Variants in CACNA2D3 observed in about 807,000 individuals in gnomAD.
CACNA2D3 encodes voltage-dependent calcium channel subunit alpha-2/delta-3.
Under a neutral mutation model 160.6 loss-of-function variants are expected in CACNA2D3, and 60 were observed. That is an observed-to-expected ratio of 0.37 (90% CI 0.30 to 0.46). CACNA2D3 has a LOEUF of 0.46. Ranked by LOEUF, CACNA2D3 falls within the 20% of genes least tolerant of loss-of-function variation. The pLI is 1.00. For missense variants in CACNA2D3, 1,205 were observed against 1,365.0 expected (o/e 0.88, Z 1.85); for synonymous variants, 558 against 492.9 (o/e 1.13, Z -1.75).
intron 25 of CACNA2D3, chr3:54,894,562 C>T: frequency 2.0e-6 from 1 of 507,236 alleles, no homozygotes; most frequent in Non-Finnish European, 3.9e-6. Context: ...CATCATTAAC[C>T]TGTGCTGCAT....
chr3:54,440,908 C>G (rs1239714653), intron 4 of CACNA2D3, among the ~76,000 whole-genome samples: 1 of 152,166 alleles, frequency 6.6e-6, no homozygotes, highest in Non-Finnish European at 1.5e-5. Context: ...TGGCTTGGTT[C>G]CAAGTCTTTG....
intron 11 of CACNA2D3, among the ~76,000 whole-genome samples, chr3:54,697,289 C>G (rs1700682151): frequency 6.6e-6 from 1 of 152,148 alleles, no homozygotes; most frequent in East Asian, 1.9e-4. Context: ...AACAAGCAAA[C>G]AAAAACATGA....
intron 9 of CACNA2D3, among the ~76,000 whole-genome samples, chr3:54,623,352 G>A (rs949753788): frequency 1.3e-5 from 2 of 152,142 alleles, no homozygotes; most frequent in African/African-American, 2.4e-5. Flanking sequence ...TTCCTCCCAC[G>A]TGCCAGCAGA....
At chr3:55,006,446 C>T (rs940789137) in intron 32 of CACNA2D3, among the ~76,000 whole-genome samples, 3 of 152,198 alleles carry the variant, frequency 2.0e-5, no homozygotes, top group African/African-American at 7.2e-5. Context: ...ACAACATCGT[C>T]CCATAGTCTG....
At chr3:54,600,109 G>A (rs772289621) in intron 9 of CACNA2D3, among the ~76,000 whole-genome samples, 1 of 152,192 alleles carries the variant, frequency 6.6e-6, no homozygotes. Context: ...TTGCCAGAAC[G>A]TTGCCAGTTC....
At chr3:54,550,245 G>A (rs548261440) in intron 5 of CACNA2D3, among the ~76,000 whole-genome samples, 36 of 152,238 alleles carry the variant, frequency 2.4e-4, no homozygotes, top group Admixed American at 8.5e-4. Flanking sequence ...ATCCTGCATC[G>A]CCCGTCCCCT....
chr3:54,837,982 G>T (rs563498264), intron 15 of CACNA2D3, among the ~76,000 whole-genome samples: 1 of 152,192 alleles, frequency 6.6e-6, no homozygotes, highest in South Asian at 2.1e-4. Context: ...TCACCATAAA[G>T]CCTTAAAAAA....
At chr3:54,206,791 T>A (rs967756105) in intron 2 of CACNA2D3, among the ~76,000 whole-genome samples, 5 of 152,208 alleles carry the variant, frequency 3.3e-5, no homozygotes, top group Non-Finnish European at 4.4e-5. Flanking sequence ...TGAAGATTCA[T>A]ATAATAGCTG....
intron 2 of CACNA2D3, among the ~76,000 whole-genome samples, chr3:54,288,602 G>A (rs200607331): frequency 0.21 from 31,442 of 151,758 alleles, 3,430 homozygotes; most frequent in East Asian, 0.29. Context: ...TACCAAAGCC[G>A]GGCAGAGACA....
chr3:54,142,746 A>C (rs944504889), intron 2 of CACNA2D3, among the ~76,000 whole-genome samples: 30 of 152,210 alleles, frequency 2.0e-4, no homozygotes, highest in Non-Finnish European at 4.1e-4. Context: ...ACTGATGAAG[A>C]AGCTGAGGCA....
chr3:54,470,819 G>A (rs1290772215), intron 4 of CACNA2D3, among the ~76,000 whole-genome samples: 3 of 152,108 alleles, frequency 2.0e-5, no homozygotes, highest in African/African-American at 7.2e-5. Flanking sequence ...GACAAATAAG[G>A]GCATTACATA....
intron 34 of CACNA2D3, among the ~76,000 whole-genome samples, chr3:55,014,738 C>A (rs1478236284): frequency 1.3e-5 from 2 of 152,058 alleles, no homozygotes; most frequent in Admixed American, 6.6e-5. Flanking sequence ...TCTCCAACAG[C>A]AACAACAACA....
At chr3:54,393,257 A>G (rs1699313890) in intron 4 of CACNA2D3, among the ~76,000 whole-genome samples, 1 of 152,192 alleles carries the variant, frequency 6.6e-6, no homozygotes, top group South Asian at 2.1e-4. Flanking sequence ...GGGGACTCCT[A>G]CCGACCTCAC....
At chr3:54,687,271 G>A (rs894566979) in intron 11 of CACNA2D3, among the ~76,000 whole-genome samples, 1 of 150,166 alleles carries the variant, frequency 6.7e-6, no homozygotes, top group Non-Finnish European at 1.5e-5. Flanking sequence ...CTCCCGAGTA[G>A]CTGGGATTAC....
chr3:54,987,864 C>T (rs1002347858), intron 31 of CACNA2D3, 111 bp downstream of exon 31: 14 of 675,334 alleles, frequency 2.1e-5, no homozygotes, highest in Middle Eastern at 2.5e-4. Context: ...CTGGTTTTTA[C>T]TTGTGTTCAT....
At chr3:54,975,521 C>CAAA (rs55819960) in intron 29 of CACNA2D3, among the ~76,000 whole-genome samples, 11 of 77,764 alleles carry the variant, frequency 1.4e-4, no homozygotes, top group South Asian at 4.7e-4. Context: ...ACTTGGTCTC[C>CAAA]AAAAAAAAAA....
At chr3:54,785,265 G>A (rs563654445) in intron 13 of CACNA2D3, among the ~76,000 whole-genome samples, 1 of 152,206 alleles carries the variant, frequency 6.6e-6, no homozygotes, top group South Asian at 2.1e-4. Flanking sequence ...TGTCCATTTT[G>A]ATTTTTTTTC....
intron 32 of CACNA2D3, among the ~76,000 whole-genome samples, chr3:55,005,254 C>A (rs1197109259): frequency 6.6e-6 from 1 of 151,562 alleles, no homozygotes; most frequent in African/African-American, 2.4e-5. Flanking sequence ...CCAGCCTGGG[C>A]AACAGAGCGA....
At chr3:54,309,647 G>A (rs1347800972) in intron 2 of CACNA2D3, among the ~76,000 whole-genome samples, 1 of 152,114 alleles carries the variant, frequency 6.6e-6, no homozygotes, top group Non-Finnish European at 1.5e-5. Context: ...CTGGGCCTGG[G>A]ACCCCTGATC....
Sources: allele counts gnomAD v4.1 joint callset (sites outside exome capture counted in the v4.1 genomes callset), GRCh38; gene constraint gnomAD v4.1.1; transcripts MANE v1.5; gene names NCBI Gene and HGNC (gene_info 2026-07-23, HGNC 2026-07-21).